PRKX: variants seen among roughly 807,000 people sequenced by gnomAD.
The protein encoded by PRKX is protein kinase cAMP-dependent X-linked catalytic subunit, also known as cAMP-dependent protein kinase catalytic subunit PRKX.
In PRKX, 12 loss-of-function variants were observed where a neutral mutation model predicts 22.0. The ratio of observed to expected loss-of-function variants is 0.54; its 90% CI spans 0.35 to 0.88. The LOEUF is 0.88. PRKX is among the 40% of genes least tolerant of loss of function. The pLI, the probability that PRKX is intolerant of heterozygous loss-of-function variation, is 0.01. For synonymous variants in PRKX, 134 were observed against 137.7 expected (o/e 0.97, Z 0.19); for missense variants, 217 against 308.0 (o/e 0.70, Z 2.21).
intron 2 of PRKX, among the ~76,000 whole-genome samples, chrX:3,660,773 C>T (rs770831117): frequency 2.0e-4 from 22 of 111,598 alleles, no homozygotes; most frequent in Admixed American, 1.1e-3. Context: ...ACAATACAAA[C>T]ATCTCAGGTT....
At chrX:3,653,082 T>C (rs1927370642) in intron 3 of PRKX, among the ~76,000 whole-genome samples, 1 of 111,005 alleles carries the variant, frequency 9.0e-6, no homozygotes. Context: ...TACATATACA[T>C]GTATTATAAG....
chrX:3,697,808 C>T (rs1803070897), intron 1 of PRKX, among the ~76,000 whole-genome samples: 1 of 111,837 alleles, frequency 8.9e-6, no homozygotes, highest in Non-Finnish European at 1.9e-5. Flanking sequence ...GCCTCGGCCG[C>T]GCAAAATGCT....
intron 2 of PRKX, among the ~76,000 whole-genome samples, chrX:3,658,117 A>T (rs753783422): frequency 4.6e-5 from 5 of 109,758 alleles, no homozygotes; most frequent in African/African-American, 1.7e-4. Flanking sequence ...CAGCCTCCCA[A>T]GTAGTTGGGA....
chrX:3,636,100 T>C (rs1487800593), intron 4 of PRKX, among the ~76,000 whole-genome samples: 1 of 112,670 alleles, frequency 8.9e-6, no homozygotes, highest in African/African-American at 3.2e-5. Context: ...ATGATCTCCT[T>C]CCTAATCACA....
intron 1 of PRKX, among the ~76,000 whole-genome samples, chrX:3,675,021 C>A (rs1603474422): frequency 8.9e-6 from 1 of 111,784 alleles, no homozygotes; most frequent in East Asian, 2.8e-4. Flanking sequence ...GAGCCATCTG[C>A]CTCTGAATGG....
intron 3 of PRKX, among the ~76,000 whole-genome samples, chrX:3,647,205 AAAAT>A (rs1320017873): frequency 1.8e-5 from 2 of 108,404 alleles, no homozygotes; most frequent in Middle Eastern, 5.3e-3. Flanking sequence ...TTAAATTTTA[AAAAT>A]AAATATATAT....
chrX:3,666,357 T>C (rs974571357), intron 2 of PRKX, among the ~76,000 whole-genome samples: 3 of 110,351 alleles, frequency 2.7e-5, no homozygotes, highest in African/African-American at 9.9e-5. Context: ...GGGGTCTCAC[T>C]GTGTTAGCCA....
At chrX:3,641,469 T>G in intron 4 of PRKX, 1 of 166,191 alleles carries the variant, frequency 6.0e-6, no homozygotes, top group Non-Finnish European at 1.1e-5. Flanking sequence ...GCAGAAGTGA[T>G]AAGGGGGGAA....
At chrX:3,688,975 C>T (rs1206382381) in intron 1 of PRKX, among the ~76,000 whole-genome samples, 1 of 110,826 alleles carries the variant, frequency 9.0e-6, no homozygotes, top group Non-Finnish European at 1.9e-5. Flanking sequence ...AATATGGGCA[C>T]CTGGGTGGAA....
At chrX:3,664,567 A>G (rs1311613799) in intron 2 of PRKX, among the ~76,000 whole-genome samples, 1 of 112,527 alleles carries the variant, frequency 8.9e-6, no homozygotes, top group Admixed American at 9.4e-5. Context: ...AGCCATTCCA[A>G]TAGATGACTG....
chrX:3,686,374 T>C (rs6641848), intron 1 of PRKX, among the ~76,000 whole-genome samples: 14,928 of 108,593 alleles, frequency 0.14, 925 homozygotes, highest in East Asian at 0.38. Context: ...ACAATGTCTC[T>C]ACTTACGATC....
intron 1 of PRKX, among the ~76,000 whole-genome samples, chrX:3,687,387 CAT>C (rs978254110): frequency 8.9e-6 from 1 of 112,116 alleles, no homozygotes; most frequent in Non-Finnish European, 1.9e-5. Flanking sequence ...AATGAGAAAT[CAT>C]GTGGGTGAGA....
intron 2 of PRKX, among the ~76,000 whole-genome samples, chrX:3,658,534 C>A (rs1456732765): frequency 9.0e-6 from 1 of 111,078 alleles, no homozygotes; most frequent in Non-Finnish European, 1.9e-5. Context: ...GCAATCCTCC[C>A]GCCTCATCCT....
chrX:3,627,144 G>A lies in PRKX; in HGVS notation c.720-630C>T, dbSNP rs1603473327. Among the ~76,000 whole-genome samples, 4 of 110,869 alleles carry A rather than the reference G, an allele frequency of 3.6e-5. No individual in the cohort carries two copies. In the South Asian group the frequency reaches 1.5e-3, roughly 42 times the overall value. The stretch of plus-strand genomic sequence containing the variant: ...ACACTGTAATCCCAGCACTTTGGGA[G>A]GCCGAGGCGGGTGGATAACCTGACG... On this transcript the variant is annotated intron_variant, in intron 4 of 8. Coordinates refer to ENST00000262848, the MANE Select transcript of PRKX (RefSeq NM_005044.5).
chrX:3,619,214 G>A (rs1487714364), intron 6 of PRKX, among the ~76,000 whole-genome samples: 2 of 112,375 alleles, frequency 1.8e-5, no homozygotes, highest in Non-Finnish European at 1.9e-5. Context: ...AGAGACAGAG[G>A]AGGAGACACA....
At chrX:3,696,450 A>G (rs1928444059) in intron 1 of PRKX, among the ~76,000 whole-genome samples, 1 of 112,192 alleles carries the variant, frequency 8.9e-6, no homozygotes, top group Non-Finnish European at 1.9e-5. Context: ...TGCTCGCAAC[A>G]TTTACATTAG....
intron 4 of PRKX, among the ~76,000 whole-genome samples, chrX:3,637,613 A>G (rs12400777): frequency 0.27 from 29,849 of 110,159 alleles, 3,251 homozygotes; most frequent in Admixed American, 0.43. Flanking sequence ...AACAATATTC[A>G]CCCAGAAATA....
chrX:3,665,654 G>A (rs763842227), intron 2 of PRKX, among the ~76,000 whole-genome samples: 1 of 110,918 alleles, frequency 9.0e-6, no homozygotes, highest in Admixed American at 9.7e-5. Context: ...TCCTCTATAC[G>A]ATGGAATAGT....
intron 5 of PRKX, among the ~76,000 whole-genome samples, chrX:3,621,986 A>G (rs1329595896): frequency 9.1e-6 from 1 of 110,262 alleles, no homozygotes; most frequent in Non-Finnish European, 1.9e-5. Context: ...AAAAAAAAAG[A>G]AAAAGAAATT....
Sources: allele counts gnomAD v4.1 joint callset (sites outside exome capture counted in the v4.1 genomes callset), GRCh38; gene constraint gnomAD v4.1.1; transcripts MANE v1.5; gene names NCBI Gene and HGNC (gene_info 2026-07-23, HGNC 2026-07-21).